The following TJP1 variants were observed in gnomAD, a reference collection of about 807,000 sequenced individuals.
The protein encoded by TJP1 is tight junction protein ZO-1.
TJP1 carries 43 observed loss-of-function variants against 194.2 expected under a neutral mutation model. The observed-to-expected ratio is 0.22, with a 90% CI of 0.17 to 0.29. The LOEUF (loss-of-function observed/expected upper bound fraction) is 0.29, where lower values mean the gene tolerates loss of function less well. Among genes scored for constraint, TJP1 ranks in the 10% least tolerant of loss-of-function variants. TJP1 has a pLI of 1.00. For missense variants in TJP1, 1,971 were observed against 2,185.7 expected (o/e 0.90, Z 1.96); for synonymous variants, 801 against 779.0 (o/e 1.03, Z -0.47).
rs1490383445 is a variant in TJP1, at chr15:29,704,184, T to C, written c.5190A>G (p.Leu1730=). The change falls in exon 27 of 28, where the codon CTA becomes CTG. Residue 1730 remains leucine, a synonymous_variant. Transcript: ENST00000614355. Reference sequence around the variant, plus strand: ...TACCCGACGAGGAGTCGGATGATTTTAGAGCAAAAGACCAACCGTCAGGAG... The same window carrying C: ...TACCCGACGAGGAGTCGGATGATTTCAGAGCAAAAGACCAACCGTCAGGAG... ...SMTPDGWSFA[L]KSSDSSSGDP... is the part of the protein sequence containing the mutation. 4.5e-6 allele frequency: 7 copies of C among 1,568,288 alleles called. No individual in the cohort carries two copies. Among genetic ancestry groups the C allele is most frequent in the African/African-American group, 1.3e-5 (1 of 74,302 alleles).
At chr15:29,952,847 G>C (rs185105783) in intron 2 of TJP1, among the ~76,000 whole-genome samples, 159 of 152,178 alleles carry the variant, frequency 1.0e-3, no homozygotes, top group African/African-American at 3.6e-3. Context: ...AGAGTTGTTT[G>C]AACTGTAAGA....
At chr15:29,899,194 C>G (rs2053565073) in intron 2 of TJP1, among the ~76,000 whole-genome samples, 1 of 152,184 alleles carries the variant, frequency 6.6e-6, no homozygotes, top group African/African-American at 2.4e-5. Context: ...GAAGCCCCCA[C>G]AAAGCCATGA....
chr15:29,845,532 G>C (rs1309710736), intron 2 of TJP1, among the ~76,000 whole-genome samples: 1 of 152,162 alleles, frequency 6.6e-6, no homozygotes, highest in Non-Finnish European at 1.5e-5. Flanking sequence ...CTGGCTGGGC[G>C]CAGAGGATCA....
At chr15:29,742,012 C>T (rs1280734844) in intron 9 of TJP1, among the ~76,000 whole-genome samples, 2 of 152,062 alleles carry the variant, frequency 1.3e-5, no homozygotes, top group Non-Finnish European at 2.9e-5. Flanking sequence ...TGTTTGAGGC[C>T]AGGAGTTGGA....
At chr15:29,726,351 G>A (rs1374633663) in intron 18 of TJP1, 28 bp downstream of exon 18, 1 of 1,579,778 alleles carries the variant, frequency 6.3e-7, no homozygotes, top group East Asian at 2.2e-5. Flanking sequence ...TACTGAACAA[G>A]TCAAAAAAGT....
chr15:29,845,114 T>G (rs1184291112), intron 2 of TJP1, among the ~76,000 whole-genome samples: 2 of 152,192 alleles, frequency 1.3e-5, no homozygotes, highest in African/African-American at 2.4e-5. Flanking sequence ...TCCCAAGCCC[T>G]CAAACAAAGT....
intron 2 of TJP1, among the ~76,000 whole-genome samples, chr15:29,795,666 C>A (rs1246342587): frequency 6.6e-6 from 1 of 152,086 alleles, no homozygotes; most frequent in Non-Finnish European, 1.5e-5. Context: ...CACGTCCCAA[C>A]TCCTTGTTTT....
At chr15:29,870,183 G>T (rs2052463697) in intron 2 of TJP1, among the ~76,000 whole-genome samples, 2 of 151,826 alleles carry the variant, frequency 1.3e-5, no homozygotes, top group East Asian at 3.9e-4. Context: ...CAGAGCAGAG[G>T]CTCAAAATAA....
intron 5 of TJP1, among the ~76,000 whole-genome samples, chr15:29,764,308 T>A (rs914409699): frequency 5.3e-5 from 8 of 152,088 alleles, no homozygotes; most frequent in Non-Finnish European, 1.0e-4. Flanking sequence ...GGGGAGGGGA[T>A]GCATGGGGTG....
At chr15:29,874,147 A>C (rs1047708011) in intron 2 of TJP1, among the ~76,000 whole-genome samples, 5 of 152,210 alleles carry the variant, frequency 3.3e-5, no homozygotes, top group Non-Finnish European at 7.4e-5. Flanking sequence ...CCATTAAGCC[A>C]AATGACAGTA....
At chr15:29,764,632 A>C (rs901710139) in intron 5 of TJP1, among the ~76,000 whole-genome samples, 1 of 152,180 alleles carries the variant, frequency 6.6e-6, no homozygotes, top group African/African-American at 2.4e-5. Context: ...TTCATCATGC[A>C]TGGGAAAAAA....
intron 2 of TJP1, among the ~76,000 whole-genome samples, chr15:29,782,050 TG>T (rs2047399474): frequency 6.6e-6 from 1 of 152,208 alleles, no homozygotes; most frequent in African/African-American, 2.4e-5. Flanking sequence ...GCAGATGACA[TG>T]ATTCTGTATC....
intron 1 of TJP1, among the ~76,000 whole-genome samples, chr15:29,815,089 C>A (rs1567084614): frequency 6.6e-6 from 1 of 152,112 alleles, no homozygotes; most frequent in East Asian, 1.9e-4. Context: ...CCCACGTATT[C>A]CCCACATACT....
At chr15:29,927,183 G>C (rs2054552821) in intron 2 of TJP1, among the ~76,000 whole-genome samples, 1 of 152,090 alleles carries the variant, frequency 6.6e-6, no homozygotes, top group Non-Finnish European at 1.5e-5. Flanking sequence ...AGCTAGGCGT[G>C]GTGGCGCATG....
chr15:29,713,888 C>T (rs2042391755), intron 23 of TJP1, among the ~76,000 whole-genome samples: 2 of 152,208 alleles, frequency 1.3e-5, no homozygotes, highest in African/African-American at 4.8e-5. Flanking sequence ...TTCTCTCTCA[C>T]AGCAGCAGGG....
intron 2 of TJP1, among the ~76,000 whole-genome samples, chr15:29,891,862 C>T (rs913460172): frequency 2.0e-5 from 3 of 152,074 alleles, no homozygotes; most frequent in Non-Finnish European, 4.4e-5. Flanking sequence ...TGAAATTAGG[C>T]CAATTGATAA....
intron 1 of TJP1, chr15:29,956,476 TC>T: frequency 9.7e-7 from 1 of 1,035,526 alleles, no homozygotes; most frequent in Non-Finnish European, 1.2e-6. Flanking sequence ...CACTCCTTTT[TC>T]CAGCCAAAAA....
At chr15:29,801,402 T>C (rs1397696259) in intron 1 of TJP1, among the ~76,000 whole-genome samples, 2 of 152,068 alleles carry the variant, frequency 1.3e-5, no homozygotes, top group Admixed American at 6.6e-5. Flanking sequence ...GCCCAAATTA[T>C]AGCGTACTTC....
At chr15:29,862,938 G>A (rs572948059) in intron 2 of TJP1, among the ~76,000 whole-genome samples, 82 of 145,084 alleles carry the variant, frequency 5.7e-4, no homozygotes, top group African/African-American at 1.9e-3. Context: ...GTGAGCCACC[G>A]TGCCCAGCTG....
Sources: allele counts gnomAD v4.1 joint callset (sites outside exome capture counted in the v4.1 genomes callset), GRCh38; gene constraint gnomAD v4.1.1; transcripts MANE v1.5; gene names NCBI Gene and HGNC (gene_info 2026-07-23, HGNC 2026-07-21).